Variants in CHST11 observed in about 807,000 individuals in gnomAD.
CHST11 encodes carbohydrate sulfotransferase 11, also known as C4S-1.
Under a neutral mutation model 30.4 loss-of-function variants are expected in CHST11, and 9 were observed. That is an observed-to-expected ratio of 0.30 (90% CI 0.18 to 0.52). CHST11 has a LOEUF of 0.52. Ranked by LOEUF, CHST11 falls within the 20% of genes least tolerant of loss-of-function variation. The pLI is 0.97. For synonymous variants in CHST11, 152 were observed against 187.8 expected (o/e 0.81, Z 1.56); for missense variants, 348 against 460.6 (o/e 0.76, Z 2.24).
chr12:104,521,493 C>T (rs558539885), intron 1 of CHST11, among the ~76,000 whole-genome samples: 5 of 152,146 alleles, frequency 3.3e-5, no homozygotes, highest in Non-Finnish European at 7.4e-5. Flanking sequence ...TTTATAAACT[C>T]GGGCCCAAAG....
At chr12:104,744,345 T>G (rs2040371705) in intron 2 of CHST11, among the ~76,000 whole-genome samples, 2 of 152,206 alleles carry the variant, frequency 1.3e-5, no homozygotes, top group South Asian at 4.1e-4. Context: ...TGCATTTCTC[T>G]AATGATCAGT....
rs899030237 is a variant in CHST11, at chr12:104,458,583, G to A, written c.118+1054G>A. 1.3e-5 allele frequency among the ~76,000 whole-genome samples: 2 copies of A among 152,256 alleles called. No homozygotes were observed. The highest frequency in any genetic ancestry group is 2.9e-5 in the Non-Finnish European group (2 of 68,038). ...CCCAACAGGTAGAACGTTCCGAGAAGCCTTCCGGGTAACGCGGGTCTCCCC... is the reference window on the plus strand; with the variant it reads ...CCCAACAGGTAGAACGTTCCGAGAAACCTTCCGGGTAACGCGGGTCTCCCC... On this transcript the variant is annotated intron_variant, in intron 1 of 2. Transcript: ENST00000303694. This position sits in a 1 kb window ranked among gnomAD's most constrained non-coding sequence, Gnocchi z 5.7.
At chr12:104,692,836 A>G (rs1298053116) in intron 2 of CHST11, among the ~76,000 whole-genome samples, 4 of 151,784 alleles carry the variant, frequency 2.6e-5, no homozygotes, top group Non-Finnish European at 4.4e-5. Flanking sequence ...GAACAGTTTC[A>G]TCCTGAAACC....
chr12:104,637,651 C>G lies in CHST11; in HGVS notation c.204+35660C>G, dbSNP rs541079336. On this transcript the variant is annotated intron_variant, in intron 2 of 2. Transcript: ENST00000303694. ...TGAGGGCCCCGCCACTAGCCCCTGC[C>G]TGCCTTCCACCCTGGCACTCAAAGC... Among the ~76,000 whole-genome samples, 30 of 152,332 alleles carry G rather than the reference C, an allele frequency of 2.0e-4. No individual in the cohort carries two copies. The South Asian group carries it at 6.2e-3, about 32-fold the overall frequency.
rs574690245 is a variant in CHST11 at position 104,491,840 on chromosome 12, C to T, written c.118+34311C>T. 6.6e-5 allele frequency among the ~76,000 whole-genome samples: 10 copies of T among 152,276 alleles called. No individual in the cohort carries two copies. The South Asian group carries it at 1.7e-3, about 25-fold the overall frequency. Reference sequence around the variant, plus strand: ...CTTGGGTTGAAATTCCCACCACTCACTGGGGCCCACAAGACTCTTCAAGAC... The same window carrying T: ...CTTGGGTTGAAATTCCCACCACTCATTGGGGCCCACAAGACTCTTCAAGAC... On this transcript the variant is annotated intron_variant, in intron 1 of 2. Coordinates refer to ENST00000303694, the MANE Select transcript of CHST11 (RefSeq NM_018413.6).
intron 2 of CHST11, among the ~76,000 whole-genome samples, chr12:104,737,025 C>CT (rs2040306781): frequency 6.6e-6 from 1 of 152,212 alleles, no homozygotes. Flanking sequence ...TGTGACTTTC[C>CT]TTTAACACCA....
chr12:104,593,905 C>T (rs944372438), intron 1 of CHST11, among the ~76,000 whole-genome samples: 4 of 152,206 alleles, frequency 2.6e-5, no homozygotes, highest in African/African-American at 4.8e-5. Flanking sequence ...GATTTAACTA[C>T]TTTGGCTAAG....
intron 2 of CHST11, among the ~76,000 whole-genome samples, chr12:104,648,002 A>T (rs146385185): frequency 1.3e-5 from 2 of 152,304 alleles, no homozygotes; most frequent in East Asian, 3.9e-4. Context: ...TGCCTTTTCT[A>T]TGACTTGGTC....
At chr12:104,531,547 T>C (rs1193188569) in intron 1 of CHST11, among the ~76,000 whole-genome samples, 2 of 151,996 alleles carry the variant, frequency 1.3e-5, no homozygotes, top group African/African-American at 4.8e-5. Context: ...CAAAGAAAGA[T>C]TGAAGTCATT....
intron 1 of CHST11, among the ~76,000 whole-genome samples, chr12:104,476,824 G>T (rs190836081): frequency 1.3e-5 from 2 of 151,450 alleles, no homozygotes; most frequent in Non-Finnish European, 2.9e-5. Flanking sequence ...CAACATTCAT[G>T]CTTGCATTGA....
intron 2 of CHST11, among the ~76,000 whole-genome samples, chr12:104,741,168 G>C (rs1053715379): frequency 2.6e-5 from 4 of 152,222 alleles, no homozygotes; most frequent in Non-Finnish European, 5.9e-5. Flanking sequence ...CATTAACTAT[G>C]ATCAGGATGG....
intron 1 of CHST11, among the ~76,000 whole-genome samples, chr12:104,554,892 C>T (rs1007039722): frequency 2.6e-5 from 4 of 152,164 alleles, no homozygotes; most frequent in African/African-American, 4.8e-5. Flanking sequence ...ATTGCTTTCC[C>T]CATCCAGAAT....
At chr12:104,745,529 A>C (rs1218158589) in intron 2 of CHST11, among the ~76,000 whole-genome samples, 1 of 152,226 alleles carries the variant, frequency 6.6e-6, no homozygotes, top group Admixed American at 6.5e-5. Flanking sequence ...TGCTTTAGGC[A>C]GTAGGGCCAT....
intron 2 of CHST11, among the ~76,000 whole-genome samples, chr12:104,648,452 T>A (rs111993716): frequency 1.6e-4 from 24 of 152,178 alleles, no homozygotes; most frequent in African/African-American, 5.1e-4. Flanking sequence ...TTCGGTAGGT[T>A]AGCAAGGTCT....
intron 2 of CHST11, 198 bp downstream of exon 2, chr12:104,602,189 A>T (rs2038962905): frequency 1.7e-6 from 1 of 597,252 alleles, no homozygotes; most frequent in African/African-American, 1.9e-5. Context: ...GTTTAGAATT[A>T]GAGAAATGCC....
intron 2 of CHST11, among the ~76,000 whole-genome samples, chr12:104,682,810 C>T (rs1305311523): frequency 6.6e-6 from 1 of 152,212 alleles, no homozygotes; most frequent in African/African-American, 2.4e-5. Flanking sequence ...GCAGCATAGC[C>T]CGGCAGAAAG....
chr12:104,493,524 G>A (rs2037770233), intron 1 of CHST11, among the ~76,000 whole-genome samples: 2 of 152,210 alleles, frequency 1.3e-5, no homozygotes. Flanking sequence ...GACATGTCCT[G>A]GTGAGAGGGG....
chr12:104,672,276 C>T (rs117446538), intron 2 of CHST11, among the ~76,000 whole-genome samples: 9 of 152,082 alleles, frequency 5.9e-5, no homozygotes, highest in South Asian at 2.1e-4. Flanking sequence ...CTCTGGCTTG[C>T]GGAGTAATGG....
At position 104,607,464 on chromosome 12, in the gene CHST11, G is replaced by A. The variant is rs929603957; in HGVS notation, c.204+5473G>A. ...ACCTAGGTCATGTAACCTGATAAGCGGTATATAATAGAAGCTTTTTGCAAA... is the reference window on the plus strand; with the variant it reads ...ACCTAGGTCATGTAACCTGATAAGCAGTATATAATAGAAGCTTTTTGCAAA... On this transcript the variant is annotated intron_variant, in intron 2 of 2. Coordinates refer to ENST00000303694, the MANE Select transcript of CHST11 (RefSeq NM_018413.6). Among the ~76,000 whole-genome samples the A allele has an allele frequency of 4.6e-5, 7 of 152,176 alleles. No homozygotes were observed. The East Asian group carries it at 9.6e-4, about 21-fold the overall frequency.
Sources: allele counts gnomAD v4.1 joint callset (sites outside exome capture counted in the v4.1 genomes callset), GRCh38; gene constraint gnomAD v4.1.1; non-coding constraint Gnocchi (gnomAD v3.1); transcripts MANE v1.5; gene names NCBI Gene and HGNC (gene_info 2026-07-23, HGNC 2026-07-21).